THSD4: variants seen among roughly 807,000 people sequenced by gnomAD.
The protein encoded by THSD4 is thrombospondin type-1 domain-containing protein 4.
A neutral mutation model predicts 119.0 loss-of-function variants in THSD4; 69 were observed. The observed-to-expected ratio is 0.58, with a 90% CI of 0.48 to 0.71. The LOEUF is 0.71. THSD4 is among the 30% of genes least tolerant of loss of function. The probability of loss-of-function intolerance (pLI) is 0.00; values close to 1 mark genes in which losing one functional copy is unlikely to be tolerated. For synonymous variants in THSD4, 524 were observed against 540.4 expected (o/e 0.97, Z 0.42); for missense variants, 1,393 against 1,391.1 (o/e 1.00, Z -0.02).
chr15:71,219,086 A>G (rs1417459206), intron 4 of THSD4, among the ~76,000 whole-genome samples: 1 of 152,150 alleles, frequency 6.6e-6, no homozygotes, highest in African/African-American at 2.4e-5. Context: ...TTATGTAATA[A>G]CACACGTAAA....
At chr15:71,335,219 T>C (rs1184513625) in intron 6 of THSD4, among the ~76,000 whole-genome samples, 1 of 152,184 alleles carries the variant, frequency 6.6e-6, no homozygotes, top group Non-Finnish European at 1.5e-5. Flanking sequence ...CAGCTCACGT[T>C]CAGGAAATGC....
intron 8 of THSD4, among the ~76,000 whole-genome samples, chr15:71,703,824 A>ACT (rs2052340480): frequency 6.6e-6 from 1 of 151,490 alleles, no homozygotes; most frequent in South Asian, 2.1e-4. Context: ...TTAATGAAAA[A>ACT]CTCTACAAAG....
chr15:71,532,263 TGAGAGA>T lies in THSD4; in HGVS notation c.1152+120456_1152+120461del, dbSNP rs112859786. Among the ~76,000 whole-genome samples, 10 of 71,720 alleles carry T rather than the reference TGAGAGA, an allele frequency of 1.4e-4. No individual in the cohort carries two copies. In the Admixed American group the frequency reaches 1.6e-3, roughly 12 times the overall value. 47.1% of individuals were successfully genotyped at this position (71,720 alleles called of 152,430 possible). A position where few individuals can be genotyped will look rare whatever the true frequency, so the allele number is the denominator to read the frequency against. ...TAGCACTGACTGAAACAACAAAGGG[TGAGAGA>T]GAGAGAGAGAGAGAGTGTGTGTGTG... On this transcript the variant is annotated intron_variant, in intron 7 of 17. Transcript: ENST00000261862.
intron 7 of THSD4, among the ~76,000 whole-genome samples, chr15:71,634,109 C>T (rs187840329): frequency 6.6e-6 from 1 of 151,760 alleles, no homozygotes; most frequent in African/African-American, 2.4e-5. Flanking sequence ...ATGGCTTGAA[C>T]CCAGGAGGAG....
intron 7 of THSD4, among the ~76,000 whole-genome samples, chr15:71,529,189 G>A (rs531025931): frequency 6.6e-6 from 1 of 152,278 alleles, no homozygotes; most frequent in Non-Finnish European, 1.5e-5. Flanking sequence ...AAGTGGTTGT[G>A]TGGAGCTTTA....
chr15:71,768,560 A>ATTTTTTTTT lies in THSD4; in HGVS notation c.2770-2488_2770-2480dup, dbSNP rs964263863. ...ACTTGCAGACCTGACGCAGATCCTG[A>ATTTTTTTTT]TTTTTTTTTTTTTTTTTTTTTTTTG... On this transcript the variant is annotated intron_variant, in intron 16 of 17. Transcript: ENST00000261862. Among the ~76,000 whole-genome samples the ATTTTTTTTT allele has an allele frequency of 6.0e-5, 6 of 99,278 alleles. 1 individual carries two copies. The highest frequency in any genetic ancestry group is 5.8e-5 in the Non-Finnish European group (3 of 51,810). The allele number at this position is 99,278 out of a possible 152,430, so 65.1% of individuals were successfully genotyped here.
intron 7 of THSD4, among the ~76,000 whole-genome samples, chr15:71,509,425 C>G (rs2048244565): frequency 6.6e-6 from 1 of 152,326 alleles, no homozygotes; most frequent in Admixed American, 6.5e-5. Context: ...CCAAGATTCT[C>G]TGCTAGTATC....
intron 6 of THSD4, among the ~76,000 whole-genome samples, chr15:71,410,415 G>GA (rs2046670801): frequency 6.6e-6 from 1 of 152,180 alleles, no homozygotes; most frequent in Non-Finnish European, 1.5e-5. Context: ...AGGTGACCTG[G>GA]AAATGCAAGC....
intron 6 of THSD4, among the ~76,000 whole-genome samples, chr15:71,384,953 A>G (rs1029949818): frequency 1.3e-5 from 2 of 152,202 alleles, no homozygotes; most frequent in African/African-American, 4.8e-5. Flanking sequence ...TTACCTAAAC[A>G]TGCAAGAAAA....
intron 8 of THSD4, among the ~76,000 whole-genome samples, chr15:71,687,928 G>C (rs1437499839): frequency 1.3e-5 from 2 of 152,106 alleles, no homozygotes; most frequent in African/African-American, 2.4e-5. Context: ...CACTTATTGA[G>C]AGTCTGTTAT....
At chr15:71,490,564 A>G (rs2047902095) in intron 7 of THSD4, among the ~76,000 whole-genome samples, 2 of 51,800 alleles carry the variant, frequency 3.9e-5, no homozygotes, top group Admixed American at 3.1e-4. Context: ...CGTCTCAAAA[A>G]AAAAAAAAAA....
At position 71,608,237 on chromosome 15, in the gene THSD4, A is replaced by AAT. The variant is rs1555431559; in HGVS notation, c.1153-52281_1153-52280dup. ...AACTCTGTCTCAAAAAAAAAAAAAA[A>AAT]ATATATATATATACACACACACACA... is the stretch of plus-strand genomic sequence containing the variant. On this transcript the variant is annotated intron_variant, in intron 7 of 17. Coordinates refer to ENST00000261862, the MANE Select transcript of THSD4 (RefSeq NM_024817.3). Among the ~76,000 whole-genome samples, 257 of 111,564 alleles carry AAT rather than the reference A, an allele frequency of 2.3e-3. 4 individuals carry two copies. The highest frequency in any genetic ancestry group is 8.5e-3 in the Admixed American group (78 of 9,172). 73.2% of individuals were successfully genotyped at this position (111,564 alleles called of 152,430 possible). A position where few individuals can be genotyped will look rare whatever the true frequency, so the allele number is the denominator to read the frequency against.
rs540040539 is a variant in THSD4, at chr15:71,486,088, A to T, written c.1152+74265A>T. ...GTGATTTCAGTTTAGGGACATGTGG[A>T]GTTTTATATATTGCAGGATATAACA... On this transcript the variant is annotated intron_variant, in intron 7 of 17. Transcript: ENST00000261862. Among the ~76,000 whole-genome samples the T allele has an allele frequency of 1.3e-5, 2 of 152,116 alleles. 1 individual carries two copies. Among genetic ancestry groups the T allele is most frequent in the Non-Finnish European group, 2.9e-5 (2 of 68,022 alleles).
intron 8 of THSD4, among the ~76,000 whole-genome samples, chr15:71,697,465 C>T (rs902099166): frequency 6.6e-6 from 1 of 152,206 alleles, no homozygotes; most frequent in Non-Finnish European, 1.5e-5. Flanking sequence ...CATAGACACA[C>T]ACCTGTCTCC....
At chr15:71,667,455 A>G (rs1026403014) in intron 8 of THSD4, among the ~76,000 whole-genome samples, 1 of 152,238 alleles carries the variant, frequency 6.6e-6, no homozygotes, top group Non-Finnish European at 1.5e-5. Context: ...CAAGACATGT[A>G]CCACCTGCCA....
chr15:71,314,748 A>T (rs79157065), intron 6 of THSD4, among the ~76,000 whole-genome samples: 15,723 of 152,252 alleles, frequency 0.1, 854 homozygotes, highest in Middle Eastern at 0.16. Context: ...GCTGTAGTGC[A>T]GGTTAGATAT....
At chr15:71,103,218 G>C (rs984841406) in intron 1 of THSD4, among the ~76,000 whole-genome samples, 4 of 151,870 alleles carry the variant, frequency 2.6e-5, no homozygotes, top group Admixed American at 6.6e-5. Flanking sequence ...TGCCTCTTGG[G>C]CTGTGGTTTC....
At chr15:71,162,031 C>T (rs2043254060) in intron 3 of THSD4, among the ~76,000 whole-genome samples, 3 of 151,924 alleles carry the variant, frequency 2.0e-5, no homozygotes, top group African/African-American at 7.2e-5. Flanking sequence ...TCTTTCACCC[C>T]CCAATTTGTG....
upstream of THSD4, among the ~76,000 whole-genome samples, chr15:71,112,632 C>A (rs1456865613): frequency 1.3e-5 from 2 of 152,190 alleles, 1 homozygote; most frequent in South Asian, 4.1e-4. Context: ...ACATGCCAGG[C>A]AGGCCCCCAG....
Sources: gnomAD v4.1 joint callset for allele counts (sites outside exome capture counted in the v4.1 genomes callset) on GRCh38, gnomAD v4.1.1 for gene constraint, MANE v1.5 for transcripts, NCBI Gene and HGNC (gene_info 2026-07-23, HGNC 2026-07-21) for gene names.